EPS8L2: variants seen among roughly 807,000 people sequenced by gnomAD.
The protein encoded by EPS8L2 is EPS8 signaling adaptor L2, also known as epidermal growth factor receptor kinase substrate 8-like protein 2.
EPS8L2 carries 81 observed loss-of-function variants against 99.4 expected under a neutral mutation model. The ratio of observed to expected loss-of-function variants is 0.82; its 90% CI spans 0.68 to 0.98. The LOEUF (loss-of-function observed/expected upper bound fraction) is 0.98. Ranked by LOEUF, EPS8L2 falls within the 50% of genes least tolerant of loss-of-function variation. The pLI, the probability that EPS8L2 is intolerant of heterozygous loss-of-function variation, is 0.00. For missense variants in EPS8L2, 1,155 were observed against 968.8 expected (o/e 1.19, Z -2.55); for synonymous variants, 509 against 407.3 (o/e 1.25, Z -3.01).
chr11:710,307 C>T lies in EPS8L2; in HGVS notation c.101-115C>T, dbSNP rs1332248024. The T allele has an allele frequency of 2.9e-5, 29 of 992,504 alleles. No individual in the cohort carries two copies. In the South Asian group the frequency reaches 3.7e-4, roughly 13 times the overall value. 61.5% of individuals were successfully genotyped at this position (992,504 alleles called of 1,614,324 possible). ...ACATCCTTCCTGGTGGCCAAGAGGT[C>T]CACGGAGCAGCCTCCCTCCGCTTGA... is the stretch of plus-strand genomic sequence containing the variant. On this transcript the variant is annotated intron_variant, in intron 3 of 20. Transcript: ENST00000318562.
At chr11:708,143 G>A (rs574152349) in intron 1 of EPS8L2, among the ~76,000 whole-genome samples, 2 of 152,286 alleles carry the variant, frequency 1.3e-5, no homozygotes, top group East Asian at 3.9e-4. Context: ...GACCCCCACC[G>A]TGGCAGACCC....
At chr11:714,322 T>G (rs1427614700) in intron 4 of EPS8L2, among the ~76,000 whole-genome samples, 1 of 151,598 alleles carries the variant, frequency 6.6e-6, no homozygotes, top group East Asian at 1.9e-4. Context: ...CTCCACCTCT[T>G]GGGTTCAAGC....
Position 726,724 on chromosome 11 carries a change from G to C in EPS8L2, c.2040G>C (p.Gln680His), listed in dbSNP as rs755167354. 4.4e-6 allele frequency: 7 copies of C among 1,594,874 alleles called. No homozygotes were observed. The highest frequency in any genetic ancestry group is 6.0e-6 in the Non-Finnish European group (7 of 1,172,584). Reference sequence around the variant, plus strand: ...AGGAGGGCGTCCGCGTGTACAGCCAGCTCACCATGCAGAAGGCCTTCCTGG... The same window carrying C: ...AGGAGGGCGTCCGCGTGTACAGCCACCTCACCATGCAGAAGGCCTTCCTGG... ...CGEEGVRVYS[Q>H]LTMQKAFLEK... The change falls in exon 20 of 21, where the codon CAG (glutamine) becomes CAC (histidine). Residue 680 changes from glutamine (Q) to histidine (H), a missense_variant. Coordinates refer to ENST00000318562, the MANE Select transcript of EPS8L2 (RefSeq NM_022772.4).
intron 1 of EPS8L2, among the ~76,000 whole-genome samples, chr11:707,639 C>A (rs1436608757): frequency 6.6e-6 from 1 of 152,052 alleles, no homozygotes; most frequent in Non-Finnish European, 1.5e-5. Context: ...CAGGAGGCAG[C>A]CCCATACCCA....
chr11:713,445 G>A lies in EPS8L2; in HGVS notation c.165+2959G>A, dbSNP rs572992397. The stretch of plus-strand genomic sequence containing the variant: ...CACCCAGGCTGGAGTGCAATGGCGC[G>A]ATCTCAGCTCACTGCAACCTCTGCC... On this transcript the variant is annotated intron_variant, in intron 4 of 20. Transcript: ENST00000318562. 7.2e-5 allele frequency among the ~76,000 whole-genome samples: 11 copies of A among 152,318 alleles called. No individual in the cohort carries two copies. In the South Asian group the frequency reaches 1.7e-3, roughly 23 times the overall value.
Position 721,214 on chromosome 11 carries a change from G to C in EPS8L2, c.700+8G>C. ...TGCCACTCAGCGAGCCAGGTGGGCC[G>C]AGGGGCTGGAGGGGGCTCCACAGGG... On this transcript the variant is annotated splice_region_variant and intron_variant, in intron 8 of 20. Transcript: ENST00000318562. The C allele has an allele frequency of 6.5e-7, 1 of 1,530,696 alleles. No homozygotes were observed. The highest frequency in any genetic ancestry group is 1.2e-5 in the South Asian group (1 of 83,650). 94.8% of individuals were successfully genotyped at this position (1,530,696 alleles called of 1,614,324 possible). A position where few individuals can be genotyped will look rare whatever the true frequency, so the allele number is the denominator to read the frequency against.
rs978336190 is a variant in EPS8L2, at chr11:714,307, G to A, written c.165+3821G>A. 5.6e-4 allele frequency among the ~76,000 whole-genome samples: 84 copies of A among 150,300 alleles called. 2 individuals are homozygous for A. Among genetic ancestry groups the A allele is most frequent in the Non-Finnish European group, 1.0e-4 (7 of 67,762 alleles). Reference sequence around the variant, plus strand: ...TGCAGTGGCGTGATCTTGGTTCACTGCAACCTCCACCTCTTGGGTTCAAGC... The same window carrying A: ...TGCAGTGGCGTGATCTTGGTTCACTACAACCTCCACCTCTTGGGTTCAAGC... On this transcript the variant is annotated intron_variant, in intron 4 of 20. Coordinates refer to ENST00000318562, the MANE Select transcript of EPS8L2 (RefSeq NM_022772.4).
At position 720,133 on chromosome 11, in the gene EPS8L2, G is replaced by A. The variant is rs1396123512; in HGVS notation, c.237G>A (p.Val79=). Residue 79 remains valine, a synonymous_variant, in exon 5 of 21, where the codon GTG becomes GTA. Coordinates refer to ENST00000318562, the MANE Select transcript of EPS8L2 (RefSeq NM_022772.4). ...TSVDDAIRKL[V]QLSSKEKIWT... is the part of the protein sequence containing the mutation. ...TGGACGACGCCATCCGGAAGCTGGT[G>A]CAGCTGAGCTCCAAGGAGAAGATCT... 3 of 1,613,318 alleles carry A rather than the reference G, an allele frequency of 1.9e-6. No homozygotes were observed. The highest frequency in any genetic ancestry group is 1.7e-5 in the Admixed American group (1 of 59,998).
At chr11:720,971 G>C in intron 7 of EPS8L2, 62 bp downstream of exon 7, 1 of 1,253,990 alleles carries the variant, frequency 8.0e-7, no homozygotes, top group Non-Finnish European at 1.1e-6. Context: ...GGCAGGGGAG[G>C]GGAGGAGCCG....
intron 10 of EPS8L2, 92 bp downstream of exon 10, chr11:721,783 G>C (rs2133529631): frequency 6.6e-7 from 1 of 1,522,748 alleles, no homozygotes; most frequent in Non-Finnish European, 9.0e-7. Flanking sequence ...GGACATCCAT[G>C]GGGGCTACTC....
chr11:709,850 C>CTACA, intron 3 of EPS8L2: 1 of 590,236 alleles, frequency 1.7e-6, no homozygotes, highest in African/African-American at 1.9e-5. Flanking sequence ...AATATTGATT[C>CTACA]CGCTGCACTC....
chr11:723,223 C>G lies in EPS8L2; in HGVS notation c.1342-18C>G. 2 of 1,504,438 alleles carry G rather than the reference C, an allele frequency of 1.3e-6. No individual in the cohort carries two copies. The highest frequency in any genetic ancestry group is 1.2e-5 in the South Asian group (1 of 84,898). The allele number at this position is 1,504,438 out of a possible 1,614,324, so 93.2% of individuals were successfully genotyped here. ...GCCCCGCCCCATGTCTAACTCAGGTCGCCCACCTTCCCCACAGGTGAGTCC... is the reference window on the plus strand; with the variant it reads ...GCCCCGCCCCATGTCTAACTCAGGTGGCCCACCTTCCCCACAGGTGAGTCC... On this transcript the variant is annotated intron_variant, in intron 14 of 20. Transcript: ENST00000318562.
chr11:719,259 G>A (rs1189430515), intron 4 of EPS8L2, among the ~76,000 whole-genome samples: 1 of 152,228 alleles, frequency 6.6e-6, no homozygotes, highest in African/African-American at 2.4e-5. Context: ...GAGCCACCGC[G>A]CCCGGCCACA....
rs1862370773 is a variant in EPS8L2, at chr11:727,694, G to A, written c.*713G>A. 1 of 152,824 alleles carries A rather than the reference G, an allele frequency of 6.5e-6. No individual in the cohort carries two copies. The highest frequency in any genetic ancestry group is 2.1e-4 in the South Asian group (1 of 4,848). The allele number at this position is 152,824 out of a possible 1,614,324, so 9.5% of individuals were successfully genotyped here. On this transcript the variant is annotated 3_prime_UTR_variant, in exon 21 of 21. Transcript: ENST00000318562. ...AGATGAGAGGTGGCTGAGGCACCAG[G>A]GCTAAGCAATTAAACCAGTTAAGTC...
chr11:724,736 A>C lies in EPS8L2; in HGVS notation c.1467A>C (p.Pro489=). 1 of 1,613,182 alleles carries C rather than the reference A, an allele frequency of 6.2e-7. No individual in the cohort carries two copies. The highest frequency in any genetic ancestry group is 8.5e-7 in the Non-Finnish European group (1 of 1,179,774). ...CTGTTCCTCACAGGGGCTACCAGCC[A>C]ACACCAGCCATGGCCAAGTACGTCA... ...SSPHTHRGYQ[P]TPAMAKYVKI... is the part of the protein sequence containing the mutation. The change falls in exon 16 of 21, where the codon CCA becomes CCC. Residue 489 remains proline (P), a synonymous_variant. Coordinates refer to ENST00000318562, the MANE Select transcript of EPS8L2 (RefSeq NM_022772.4). The surrounding 1 kb of genome is among the most constrained non-coding windows in gnomAD (Gnocchi z 5.5).
At chr11:721,495 G>T in intron 9 of EPS8L2, 70 bp from the exon 10 acceptor site, 1 of 1,512,992 alleles carries the variant, frequency 6.6e-7, no homozygotes, top group East Asian at 2.3e-5. Context: ...TCATCTGTGG[G>T]GCTGTCCCTG....
At chr11:711,148 C>T (rs753100459) in intron 4 of EPS8L2, among the ~76,000 whole-genome samples, 7 of 152,244 alleles carry the variant, frequency 4.6e-5, no homozygotes, top group East Asian at 1.9e-4. Flanking sequence ...CTGCACGCGC[C>T]GGACCAGCCG....
rs995750956 is a variant in EPS8L2 at position 721,979 on chromosome 11, G to A, written c.972G>A (p.Ala324=). The A allele has an allele frequency of 2.4e-5, 39 of 1,605,528 alleles. No individual in the cohort carries two copies. Among genetic ancestry groups the A allele is most frequent in the Admixed American group, 3.4e-5 (2 of 58,840 alleles). The change falls in exon 11 of 21, where the codon GCG becomes GCA. Residue 324 remains alanine (A), a synonymous_variant. Transcript: ENST00000318562. ...ACTGCTTCCAGAAAATCAAGCTGGC[G>A]ATTAACTTGCTGGTGGGTCCGGTGG... The part of the protein sequence containing the change: ...FIDCFQKIKL[A]INLLAKLQKH...
chr11:722,020 ACTGT>A (rs1564977183), intron 11 of EPS8L2, 29 bp downstream of exon 11: 1 of 1,606,216 alleles, frequency 6.2e-7, no homozygotes, highest in Non-Finnish European at 8.5e-7. Flanking sequence ...GCCCTGCCCC[ACTGT>A]CTGTGCTGAG....
Sources: gnomAD v4.1 joint callset for allele counts (sites outside exome capture counted in the v4.1 genomes callset) on GRCh38, gnomAD v4.1.1 for gene constraint, Gnocchi (gnomAD v3.1) non-coding constraint, MANE v1.5 for transcripts, NCBI Gene and HGNC (gene_info 2026-07-23, HGNC 2026-07-21) for gene names.